CSMD1: variants seen among roughly 807,000 people sequenced by gnomAD.
CSMD1 encodes the protein CUB and Sushi multiple domains 1.
Under a neutral mutation model 417.5 loss-of-function variants are expected in CSMD1, and 213 were observed. That is an observed-to-expected ratio of 0.51 (90% confidence interval 0.46 to 0.57). CSMD1 has a LOEUF of 0.57. CSMD1 is among the 20% of genes least tolerant of loss of function. The pLI is 0.00. For synonymous variants in CSMD1, 2,862 were observed against 1,736.8 expected, an observed-to-expected ratio of 1.65 and a Z score of -16.11; for missense variants, 6,923 against 4,529.7, an observed-to-expected ratio of 1.53 and a Z score of -15.17.
intron 6 of CSMD1, among the ~76,000 whole-genome samples, chr8:3,741,939 C>A (rs974831892): frequency 9.9e-5 from 15 of 151,548 alleles, no homozygotes; most frequent in Admixed American, 1.3e-4. Flanking sequence ...TTATTTCCCA[C>A]AAATGGCAAA....
At chr8:3,517,282 G>C (rs1481783695) in intron 10 of CSMD1, among the ~76,000 whole-genome samples, 1 of 152,096 alleles carries the variant, frequency 6.6e-6, no homozygotes, top group Non-Finnish European at 1.5e-5. Context: ...AATCACAAGA[G>C]AACAAAAGAT....
At chr8:4,492,760 T>C (rs574265343) in intron 2 of CSMD1, among the ~76,000 whole-genome samples, 42 of 152,340 alleles carry the variant, frequency 2.8e-4, no homozygotes, top group African/African-American at 9.4e-4. Context: ...AGCAACTCTA[T>C]GGGACACAAA....
chr8:3,159,075 T>G (rs776312676), intron 38 of CSMD1, among the ~76,000 whole-genome samples: 1 of 152,178 alleles, frequency 6.6e-6, no homozygotes, highest in Non-Finnish European at 1.5e-5. Flanking sequence ...CCAGGTAATT[T>G]TGTGCTGCCG....
At chr8:4,454,523 T>TC (rs1260104574) in intron 2 of CSMD1, among the ~76,000 whole-genome samples, 4 of 152,174 alleles carry the variant, frequency 2.6e-5, no homozygotes, top group African/African-American at 9.6e-5. Context: ...AAAGAAAAAG[T>TC]GTGGTTTCTG....
At chr8:3,143,967 T>C (rs1469824419) in intron 40 of CSMD1, among the ~76,000 whole-genome samples, 2 of 152,138 alleles carry the variant, frequency 1.3e-5, no homozygotes, top group African/African-American at 4.8e-5. Flanking sequence ...ACACCTAAAA[T>C]CTCTCAACAA....
intron 1 of CSMD1, among the ~76,000 whole-genome samples, chr8:4,666,402 A>G (rs1422246262): frequency 3.3e-5 from 5 of 152,158 alleles, no homozygotes; most frequent in African/African-American, 4.8e-5. Flanking sequence ...TAAGGACTCA[A>G]TCAGCAACTA....
rs1474170158 is a variant in CSMD1 at position 4,183,079 on chromosome 8, C to T, written c.416-150980G>A. 3.3e-5 allele frequency among the ~76,000 whole-genome samples: 5 copies of T among 152,258 alleles called. No homozygotes were observed. In the South Asian group the frequency reaches 1.0e-3, roughly 32 times the overall value. On this transcript the variant is annotated intron_variant, in intron 3 of 69. Transcript: ENST00000635120. ...AGATACCACTGCTAGATGTCACACT[C>T]ATATCACAGCGACACCCTATATACA...
In CSMD1 at chr8:3,303,943, C is replaced by T. The variant is rs369243337; in HGVS notation, c.3950+3752G>A. Among the ~76,000 whole-genome samples the T allele has an allele frequency of 2.9e-3, 214 of 74,998 alleles. 2 individuals carry two copies. In the East Asian group the frequency reaches 0.051, roughly 18 times the overall value. 49.2% of individuals were successfully genotyped at this position (74,998 alleles called of 152,430 possible). A position where few individuals can be genotyped will look rare whatever the true frequency, so the allele number is the denominator to read the frequency against. On this transcript the variant is annotated intron_variant, in intron 25 of 69. Coordinates refer to ENST00000635120, the MANE Select transcript of CSMD1 (RefSeq NM_033225.6). ...TAATAATAACTATTTTGGGGTATTG[C>T]GCCCCATTATAATAACTATTTTGGG... is the stretch of plus-strand genomic sequence containing the variant.
chr8:3,306,292 G>A (rs1280227638), intron 25 of CSMD1, among the ~76,000 whole-genome samples: 2 of 152,192 alleles, frequency 1.3e-5, no homozygotes, highest in African/African-American at 4.8e-5. Flanking sequence ...TTCTGCCTCA[G>A]TATCCTGAGT....
At chr8:4,280,332 G>A (rs566569892) in intron 3 of CSMD1, among the ~76,000 whole-genome samples, 94 of 152,162 alleles carry the variant, frequency 6.2e-4, no homozygotes, top group African/African-American at 2.1e-3. Flanking sequence ...ATGTTACCAC[G>A]TTCTGAAAAA....
chr8:4,183,432 C>T (rs1263148238), intron 3 of CSMD1, among the ~76,000 whole-genome samples: 1 of 152,174 alleles, frequency 6.6e-6, no homozygotes, highest in East Asian at 1.9e-4. Flanking sequence ...TGGGTCACAG[C>T]TTGTCAATAA....
chr8:4,116,548 G>T (rs1271321217), intron 3 of CSMD1, among the ~76,000 whole-genome samples: 1 of 73,464 alleles, frequency 1.4e-5, no homozygotes, highest in African/African-American at 5.8e-5. Context: ...GAACAAACGC[G>T]CCATGAATGA....
intron 7 of CSMD1, among the ~76,000 whole-genome samples, chr8:3,651,905 G>T (rs914522810): frequency 2.7e-5 from 4 of 149,846 alleles, no homozygotes; most frequent in Non-Finnish European, 5.9e-5. Context: ...CCATCAGAGT[G>T]CTTACCATCA....
At chr8:4,390,364 A>T (rs575703218) in intron 3 of CSMD1, among the ~76,000 whole-genome samples, 1 of 152,182 alleles carries the variant, frequency 6.6e-6, no homozygotes, top group African/African-American at 2.4e-5. Context: ...CCACATTCCA[A>T]GCCTGGGAGA....
chr8:3,592,680 GTGTGTGCACATCCGTGT>G (rs1563181480), intron 8 of CSMD1, among the ~76,000 whole-genome samples: 5 of 149,782 alleles, frequency 3.3e-5, no homozygotes, highest in African/African-American at 1.2e-4. Context: ...ACATCCGTGT[GTGTGTGCACATCCGTGT>G]GTGTGTGTGT....
chr8:4,218,825 T>G lies in CSMD1; in HGVS notation c.416-186726A>C, dbSNP rs1046541405. Among the ~76,000 whole-genome samples the G allele has an allele frequency of 4.6e-5, 7 of 152,206 alleles. No homozygotes were observed. The South Asian group carries it at 8.3e-4, about 18-fold the overall frequency. On this transcript the variant is annotated intron_variant, in intron 3 of 69. Coordinates refer to ENST00000635120, the MANE Select transcript of CSMD1 (RefSeq NM_033225.6). ...TGTTTTCTCAGTGTCAATCCTTTTA[T>G]TCTGACAATTATTTCCCCTATACTT... is the stretch of plus-strand genomic sequence containing the variant.
intron 10 of CSMD1, among the ~76,000 whole-genome samples, chr8:3,556,719 T>G (rs1799171570): frequency 6.6e-6 from 1 of 152,020 alleles, no homozygotes; most frequent in Non-Finnish European, 1.5e-5. Flanking sequence ...TGACTTAACA[T>G]TTAACTTCTC....
chr8:3,243,528 TTGAGCCAGGA>T (rs1312381354), intron 26 of CSMD1, among the ~76,000 whole-genome samples: 1 of 151,984 alleles, frequency 6.6e-6, no homozygotes, highest in Non-Finnish European at 1.5e-5. Flanking sequence ...AGGGGAGTTT[TTGAGCCAGGA>T]TGAGCCAGGA....
At chr8:4,637,771 C>T (rs986325265) in intron 1 of CSMD1, among the ~76,000 whole-genome samples, 4 of 150,574 alleles carry the variant, frequency 2.7e-5, no homozygotes, top group Admixed American at 6.7e-5. Flanking sequence ...CCCGGGTTCA[C>T]GCCATTCTCC....
Sources: gnomAD v4.1 joint callset for allele counts (sites outside exome capture counted in the v4.1 genomes callset) on GRCh38, gnomAD v4.1.1 for gene constraint, MANE v1.5 for transcripts, NCBI Gene and HGNC (gene_info 2026-07-23, HGNC 2026-07-21) for gene names.